Variants in NRF1 observed in about 807,000 individuals in gnomAD.
The protein encoded by NRF1 is nuclear respiratory factor 1.
A neutral mutation model predicts 58.5 loss-of-function variants in NRF1; 5 were observed. The observed-to-expected ratio is 0.09, with a 90% CI of 0.04 to 0.18. NRF1 has a LOEUF of 0.18. Ranked by LOEUF, NRF1 falls within the 10% of genes least tolerant of loss-of-function variation. The probability of loss-of-function intolerance (pLI) is 1.00; values close to 1 mark genes in which losing one functional copy is unlikely to be tolerated. For missense variants in NRF1, 288 were observed against 657.7 expected, an observed-to-expected ratio of 0.44 and a Z score of 6.15; for synonymous variants, 224 against 246.7, an observed-to-expected ratio of 0.91 and a Z score of 0.86.
chr7:129,628,277 C>T (rs1584586562), intron 1 of NRF1, among the ~76,000 whole-genome samples: 1 of 150,980 alleles, frequency 6.6e-6, no homozygotes, highest in Non-Finnish European at 1.5e-5. Flanking sequence ...ATCTCCTGAC[C>T]TCGTGATCTG....
intron 1 of NRF1, among the ~76,000 whole-genome samples, chr7:129,634,133 G>A (rs1801121021): frequency 6.6e-6 from 1 of 150,698 alleles, no homozygotes; most frequent in African/African-American, 2.4e-5. Flanking sequence ...TGAGTGGAGA[G>A]TATGGAGAGT....
chr7:129,675,109 A>G (rs1044774743), intron 3 of NRF1, among the ~76,000 whole-genome samples: 2 of 152,196 alleles, frequency 1.3e-5, no homozygotes, highest in African/African-American at 4.8e-5. Context: ...CTTCATCAGG[A>G]GTGGATTTCA....
intron 10 of NRF1, among the ~76,000 whole-genome samples, chr7:129,745,506 A>ACCCCCCCCCCC (rs35406699): frequency 2.7e-4 from 30 of 112,570 alleles, no homozygotes; most frequent in Non-Finnish European, 3.4e-4. Context: ...ATCCCCCTCA[A>ACCCCCCCCCCC]CCCCCCCCCC....
At chr7:129,637,139 G>A (rs572507868) in intron 1 of NRF1, among the ~76,000 whole-genome samples, 33 of 152,142 alleles carry the variant, frequency 2.2e-4, no homozygotes, top group African/African-American at 8.0e-4. Flanking sequence ...GTGGTGAGGA[G>A]GATGAATGGC....
At chr7:129,635,660 CT>C (rs911027592) in intron 1 of NRF1, among the ~76,000 whole-genome samples, 135 of 152,222 alleles carry the variant, frequency 8.9e-4, no homozygotes, top group African/African-American at 3.1e-3. Flanking sequence ...GGGGTGGAAT[CT>C]TTTTTTGTTA....
intron 9 of NRF1, among the ~76,000 whole-genome samples, chr7:129,720,178 G>C (rs551717234): frequency 3.0e-4 from 45 of 152,312 alleles, no homozygotes; most frequent in Middle Eastern, 3.4e-3. Context: ...ATGCCCCAAT[G>C]AGTGTTAGGG....
At chr7:129,691,217 C>A (rs930512208) in intron 5 of NRF1, among the ~76,000 whole-genome samples, 9 of 151,648 alleles carry the variant, frequency 5.9e-5, no homozygotes, top group Non-Finnish European at 1.3e-4. Context: ...GAAGGGAAGT[C>A]AAAAATGTAC....
chr7:129,675,320 A>G (rs917364282), intron 3 of NRF1, among the ~76,000 whole-genome samples: 13 of 152,214 alleles, frequency 8.5e-5, no homozygotes, highest in African/African-American at 3.1e-4. Context: ...CTTGGAATCA[A>G]GTTCTTCCAA....
chr7:129,617,309 C>G (rs959728615), intron 1 of NRF1, among the ~76,000 whole-genome samples: 2 of 152,146 alleles, frequency 1.3e-5, no homozygotes, highest in South Asian at 4.1e-4. Context: ...GTTGCTGCTA[C>G]TGAATGCTAA....
intron 1 of NRF1, among the ~76,000 whole-genome samples, chr7:129,656,156 A>C (rs904558025): frequency 6.6e-6 from 1 of 152,022 alleles, no homozygotes; most frequent in Non-Finnish European, 1.5e-5. Flanking sequence ...AAAGTTTTAT[A>C]TACAAGGACA....
chr7:129,647,111 C>G (rs1027903007), intron 1 of NRF1, among the ~76,000 whole-genome samples: 1 of 152,180 alleles, frequency 6.6e-6, no homozygotes, highest in Non-Finnish European at 1.5e-5. Flanking sequence ...GATCTTGGCT[C>G]ACTGCAACCT....
chr7:129,745,798 G>A (rs1803963733), intron 10 of NRF1, among the ~76,000 whole-genome samples: 1 of 152,102 alleles, frequency 6.6e-6, no homozygotes. Context: ...AATTTCAAGA[G>A]GAAATCATGA....
intron 5 of NRF1, among the ~76,000 whole-genome samples, chr7:129,703,292 A>G (rs1214982341): frequency 5.3e-5 from 8 of 152,122 alleles, no homozygotes; most frequent in African/African-American, 1.9e-4. Flanking sequence ...GTTCCAGCTC[A>G]ATTAAAGGAC....
At chr7:129,628,573 A>G (rs1274186443) in intron 1 of NRF1, among the ~76,000 whole-genome samples, 1 of 152,178 alleles carries the variant, frequency 6.6e-6, no homozygotes. Context: ...AAATCTCTTT[A>G]ATGTCTGGCT....
At chr7:129,744,329 T>A in intron 10 of NRF1, 1 of 997,064 alleles carries the variant, frequency 1.0e-6, no homozygotes, top group Non-Finnish European at 1.5e-6. Context: ...GTGGGATTCC[T>A]CTACTGTGCA....
At chr7:129,724,807 C>T (rs528053706) in intron 9 of NRF1, among the ~76,000 whole-genome samples, 1 of 152,206 alleles carries the variant, frequency 6.6e-6, no homozygotes, top group Admixed American at 6.5e-5. Flanking sequence ...ATAGAGTAGT[C>T]AAAATCACAG....
At chr7:129,636,812 T>C (rs1240377756) in intron 1 of NRF1, among the ~76,000 whole-genome samples, 7 of 152,214 alleles carry the variant, frequency 4.6e-5, no homozygotes, top group Non-Finnish European at 8.8e-5. Flanking sequence ...AAAAACGTAT[T>C]CATTTGCAAA....
At chr7:129,680,147 CAT>C (rs1305735315) in intron 4 of NRF1, among the ~76,000 whole-genome samples, 1 of 152,126 alleles carries the variant, frequency 6.6e-6, no homozygotes, top group African/African-American at 2.4e-5. Flanking sequence ...CCAACAAGCA[CAT>C]GAGAACTAAT....
intron 1 of NRF1, among the ~76,000 whole-genome samples, chr7:129,635,675 T>C (rs1413823392): frequency 6.6e-6 from 1 of 152,138 alleles, no homozygotes; most frequent in Non-Finnish European, 1.5e-5. Flanking sequence ...TTTGTTACCT[T>C]TCTTTCTGCC....
Sources: gnomAD v4.1 joint callset for allele counts (sites outside exome capture counted in the v4.1 genomes callset) on GRCh38, gnomAD v4.1.1 for gene constraint, MANE v1.5 for transcripts, NCBI Gene and HGNC (gene_info 2026-07-23, HGNC 2026-07-21) for gene names.